SLC39A12: variants seen among roughly 807,000 people sequenced by gnomAD.
The protein encoded by SLC39A12 is solute carrier family 39 member 12.
SLC39A12 carries 63 observed loss-of-function variants against 71.1 expected under a neutral mutation model. The ratio of observed to expected loss-of-function variants is 0.89; its 90% CI spans 0.72 to 1.09. The LOEUF is 1.09. SLC39A12 is among the 50% of genes least tolerant of loss of function. The probability of loss-of-function intolerance (pLI) is 0.00; values close to 1 mark genes in which losing one functional copy is unlikely to be tolerated. For missense variants in SLC39A12, 892 were observed against 812.6 expected, an observed-to-expected ratio of 1.10 and a Z score of -1.19; for synonymous variants, 351 against 301.3, an observed-to-expected ratio of 1.16 and a Z score of -1.71.
At chr10:18,034,749 T>C (rs1169828145) in intron 12 of SLC39A12, among the ~76,000 whole-genome samples, 1 of 151,720 alleles carries the variant, frequency 6.6e-6, no homozygotes, top group Non-Finnish European at 1.5e-5. Context: ...GTCTCGATGG[T>C]CTTTACATTT....
intron 10 of SLC39A12, among the ~76,000 whole-genome samples, chr10:17,999,286 C>A (rs1835766997): frequency 8.8e-6 from 1 of 113,580 alleles, no homozygotes; most frequent in Non-Finnish European, 1.8e-5. Flanking sequence ...CAAAGCAGGA[C>A]TCCATCTCAA....
chr10:18,038,583 G>A (rs1351787607), intron 12 of SLC39A12, among the ~76,000 whole-genome samples: 2 of 151,850 alleles, frequency 1.3e-5, no homozygotes, highest in Non-Finnish European at 2.9e-5. Flanking sequence ...CTGGGAGGTG[G>A]GGAGGTTGCA....
chr10:18,018,977 C>G (rs1489494445), intron 12 of SLC39A12, among the ~76,000 whole-genome samples: 1 of 151,980 alleles, frequency 6.6e-6, no homozygotes, highest in African/African-American at 2.4e-5. Flanking sequence ...AAATTTTTTC[C>G]TAAAGTGTTT....
chr10:18,017,470 G>A (rs182976399), intron 12 of SLC39A12, among the ~76,000 whole-genome samples: 20 of 152,068 alleles, frequency 1.3e-4, no homozygotes, highest in East Asian at 9.7e-4. Context: ...CACCACGCCC[G>A]GCTAATTTTT....
intron 11 of SLC39A12, among the ~76,000 whole-genome samples, chr10:18,001,581 G>A (rs1835834989): frequency 6.6e-6 from 1 of 152,180 alleles, no homozygotes; most frequent in Non-Finnish European, 1.5e-5. Context: ...TATACAAAAT[G>A]TTTAAAGCCA....
At chr10:17,989,730 C>G (rs544695753) in intron 7 of SLC39A12, among the ~76,000 whole-genome samples, 11 of 152,122 alleles carry the variant, frequency 7.2e-5, no homozygotes, top group African/African-American at 2.4e-4. Context: ...ACCAGCCTGG[C>G]CAACATGGTG....
intron 12 of SLC39A12, among the ~76,000 whole-genome samples, chr10:18,031,790 T>A (rs1171376461): frequency 2.0e-5 from 1 of 51,162 alleles, no homozygotes; most frequent in Non-Finnish European, 3.8e-5. Context: ...AGGTCTAACG[T>A]TTAAATCTTT....
chr10:17,966,426 C>G (rs1834825932), intron 4 of SLC39A12, among the ~76,000 whole-genome samples: 1 of 151,972 alleles, frequency 6.6e-6, no homozygotes, highest in South Asian at 2.1e-4. Context: ...GCCTCCCACT[C>G]CAGCCTCCTG....
chr10:18,034,549 A>G (rs1295960741), intron 12 of SLC39A12, among the ~76,000 whole-genome samples: 1 of 150,956 alleles, frequency 6.6e-6, no homozygotes, highest in African/African-American at 2.4e-5. Context: ...GTCTCTGCAC[A>G]TGAGATGGGT....
chr10:17,954,993 T>C (rs1834503735), intron 2 of SLC39A12, among the ~76,000 whole-genome samples: 1 of 152,182 alleles, frequency 6.6e-6, no homozygotes, highest in Admixed American at 6.5e-5. Context: ...AGGCAACTCA[T>C]CTGTGATGAC....
At chr10:17,988,247 G>A (rs1835455344) in intron 7 of SLC39A12, among the ~76,000 whole-genome samples, 3 of 152,200 alleles carry the variant, frequency 2.0e-5, no homozygotes, top group Admixed American at 1.3e-4. Flanking sequence ...GGCGAAGGTT[G>A]CAGTGAGCAA....
Position 18,024,996 on chromosome 10 carries a change from G to A in SLC39A12, c.1948-17709G>A, listed in dbSNP as rs563092131. 3.9e-5 allele frequency among the ~76,000 whole-genome samples: 6 copies of A among 152,112 alleles called. No homozygotes were observed. In the South Asian group the frequency reaches 1.2e-3, roughly 32 times the overall value. On this transcript the variant is annotated intron_variant, in intron 12 of 12. Transcript: ENST00000377369. ...TCTTTTTATTTAAAGCATGTTTCTT[G>A]TAGATGGCAAGTAGTTTGGTCTCGT...
At chr10:18,016,294 C>T (rs1043519428) in intron 12 of SLC39A12, among the ~76,000 whole-genome samples, 2 of 152,198 alleles carry the variant, frequency 1.3e-5, no homozygotes, top group African/African-American at 4.8e-5. Flanking sequence ...ATTAATGATA[C>T]AGTGTGCTGC....
At chr10:18,006,649 CT>C (rs1836028459) in intron 12 of SLC39A12, among the ~76,000 whole-genome samples, 1 of 152,164 alleles carries the variant, frequency 6.6e-6, no homozygotes, top group African/African-American at 2.4e-5. Context: ...ACAGGACCTT[CT>C]GATGAGGCTC....
At chr10:17,960,392 A>G (rs1834657144) in intron 2 of SLC39A12, among the ~76,000 whole-genome samples, 1 of 152,188 alleles carries the variant, frequency 6.6e-6, no homozygotes, top group South Asian at 2.1e-4. Context: ...TTCAGCTCAA[A>G]ATAATCAATA....
At chr10:18,024,695 GGAC>G (rs1236962673) in intron 12 of SLC39A12, among the ~76,000 whole-genome samples, 1 of 152,054 alleles carries the variant, frequency 6.6e-6, no homozygotes, top group Non-Finnish European at 1.5e-5. Context: ...CATTTCTGAT[GGAC>G]GAATGTTAAA....
chr10:18,018,313 A>G (rs539751029), intron 12 of SLC39A12, among the ~76,000 whole-genome samples: 24 of 152,262 alleles, frequency 1.6e-4, no homozygotes, highest in Admixed American at 4.6e-4. Context: ...TACAGTTATC[A>G]TGTCATCCGT....
chr10:17,958,750 A>T (rs1834612269), intron 2 of SLC39A12, among the ~76,000 whole-genome samples: 1 of 152,206 alleles, frequency 6.6e-6, no homozygotes, highest in Non-Finnish European at 1.5e-5. Flanking sequence ...TCTTTGCAGT[A>T]TCCTTGCATA....
chr10:18,038,410 G>A (rs1391570626), intron 12 of SLC39A12, among the ~76,000 whole-genome samples: 1 of 152,108 alleles, frequency 6.6e-6, no homozygotes, highest in Admixed American at 6.5e-5. Context: ...CAGCACTTTG[G>A]GAGGCCAAGG....
Sources: gnomAD v4.1 joint callset for allele counts (sites outside exome capture counted in the v4.1 genomes callset) on GRCh38, gnomAD v4.1.1 for gene constraint, MANE v1.5 for transcripts, NCBI Gene and HGNC (gene_info 2026-07-23, HGNC 2026-07-21) for gene names.